GJA9: variants seen among roughly 807,000 people sequenced by gnomAD.
GJA9 encodes gap junction protein alpha 9.
A neutral mutation model predicts 0.4 loss-of-function variants in GJA9; 1 was observed. The observed-to-expected ratio is 2.50, with a 90% CI of 0.89 to 11.88. GJA9 has a LOEUF of 11.88. Among genes scored for constraint, GJA9 ranks in the 30% most tolerant of loss-of-function variants. GJA9 has a pLI of 0.12. For missense variants in GJA9, 550 were observed against 602.8 expected, an observed-to-expected ratio of 0.91 and a Z score of 0.92; for synonymous variants, 190 against 219.1, an observed-to-expected ratio of 0.87 and a Z score of 1.17.
Position 38,875,460 on chromosome 1 carries a change from T to C in GJA9, c.639A>G (p.Leu213=). 1.9e-6 allele frequency: 3 copies of C among 1,614,150 alleles called. No homozygotes were observed. Among genetic ancestry groups the C allele is most frequent in the Non-Finnish European group, 1.7e-6 (2 of 1,179,966 alleles). The change falls in exon 2 of 2, where the codon TTA becomes TTG. Residue 213 remains leucine, a synonymous_variant. Transcript: ENST00000357771. ...SRPTEKTIFL[L]FMQSIATISL... ...AAATAGTGGCTATAGATTGCATAAA[T>C]AATAGGAATATTGTCTTTTCTGTTG...
rs541886462 is a variant in GJA9, at chr1:38,874,640, A to G, written c.1459T>C (p.Cys487Arg). Residue 487 changes from cysteine (C) to arginine (R), a missense_variant, in exon 2 of 2, where the codon TGT becomes CGT. Transcript: ENST00000357771. Reference protein sequence around the residue: ...LSFEPGLVRTCNNPVCPPNHV... With the variant: ...LSFEPGLVRTRNNPVCPPNHV... ...TTTGGAGGACAAACAGGATTATTACAGGTTCTGACCAACCCTGGCTCAAAG... is the reference window on the plus strand; with the variant it reads ...TTTGGAGGACAAACAGGATTATTACGGGTTCTGACCAACCCTGGCTCAAAG... The G allele has an allele frequency of 6.2e-7, 1 of 1,614,238 alleles. No homozygotes were observed. The highest frequency in any genetic ancestry group is 1.7e-5 in the Admixed American group (1 of 60,024).
rs375468847 is a variant in GJA9 at position 38,875,652 on chromosome 1, G to A, written c.447C>T (p.Leu149=). 3.7e-6 allele frequency: 6 copies of A among 1,614,094 alleles called. No homozygotes were observed. In the African/African-American group the frequency reaches 4.0e-5, roughly 11 times the overall value. ...LEKRKLNKAP[L]RGTLLCTYVI... The stretch of plus-strand genomic sequence containing the variant: ...CATAAGTGCAAAGCAAGGTTCCTCT[G>A]AGTGGAGCTTTATTTAGTTTCCTTT... Residue 149 remains leucine (L), a synonymous_variant, in exon 2 of 2, where the codon CTC becomes CTT. Coordinates refer to ENST00000357771, the MANE Select transcript of GJA9 (RefSeq NM_030772.5).
Position 38,875,137 on chromosome 1 carries a change from A to G in GJA9, c.962T>C (p.Ile321Thr), listed in dbSNP as rs373832508. 1.2e-6 allele frequency: 2 copies of G among 1,614,164 alleles called. No homozygotes were observed. Among genetic ancestry groups the G allele is most frequent in the Non-Finnish European group, 1.7e-6 (2 of 1,180,008 alleles). Residue 321 changes from isoleucine (I) to threonine (T), a missense_variant, in exon 2 of 2, where the codon ATT becomes ACT. Transcript: ENST00000357771. ...DNHSVNDEKC[I>T]LDEQETVLSN... ...AAGTACAGTTTCCTGTTCATCCAAA[A>G]TGCATTTCTCATCATTTACACTATG...
intron 1 of GJA9, among the ~76,000 whole-genome samples, chr1:38,877,718 C>G (rs1480162387): frequency 6.6e-6 from 1 of 151,752 alleles, no homozygotes; most frequent in Non-Finnish European, 1.5e-5. Context: ...AGGATGATCT[C>G]GATCTCCTGA....
chr1:38,874,857 G>T lies in GJA9; in HGVS notation c.1242C>A (p.Asn414Lys). Residue 414 changes from asparagine to lysine, a missense_variant, in exon 2 of 2, where the codon AAC becomes AAA. Asn to Lys is a moderately conservative substitution (Grantham distance 94). Coordinates refer to ENST00000357771, the MANE Select transcript of GJA9 (RefSeq NM_030772.5). ...TAAGCCACCGCGGTTTCCAATCGCA[G>T]TTAGCTGGCAAGGAGAAAACTGTTT... ...SPQTVFSLPA[N>K]CDWKPRWLRA... The T allele has an allele frequency of 1.9e-6, 3 of 1,614,218 alleles. No homozygotes were observed. The highest frequency in any genetic ancestry group is 2.5e-6 in the Non-Finnish European group (3 of 1,180,048).
chr1:38,881,560 A>G lies in GJA9; in HGVS notation c.-224T>C. On this transcript the variant is annotated 5_prime_UTR_variant, in exon 1 of 2. Coordinates refer to ENST00000357771, the MANE Select transcript of GJA9 (RefSeq NM_030772.5). ...AGATTCAGTTCAGTTGAATGTAGTGAGTGAGTCATCCATCAACTAAAATCC... is the reference window on the plus strand; with the variant it reads ...AGATTCAGTTCAGTTGAATGTAGTGGGTGAGTCATCCATCAACTAAAATCC... 1 of 683,244 alleles carries G rather than the reference A, an allele frequency of 1.5e-6. No individual in the cohort carries two copies. The highest frequency in any genetic ancestry group is 2.1e-5 in the Admixed American group (1 of 46,992). The allele number at this position is 683,244 out of a possible 1,614,324, so 42.3% of individuals were successfully genotyped here.
chr1:38,879,813 G>A (rs1407498038), intron 1 of GJA9, among the ~76,000 whole-genome samples: 1 of 151,900 alleles, frequency 6.6e-6, no homozygotes, highest in Admixed American at 6.6e-5. Context: ...TGCAAGCTCC[G>A]CCTCCCGGGT....
chr1:38,875,822 T>C lies in GJA9; in HGVS notation c.277A>G (p.Met93Val), dbSNP rs1557600033. 3 of 1,614,220 alleles carry C rather than the reference T, an allele frequency of 1.9e-6. No homozygotes were observed. The highest frequency in any genetic ancestry group is 1.1e-5 in the South Asian group (1 of 91,086). ...IFVSSPSLVY[M>V]GHALYRLRVL... The stretch of plus-strand genomic sequence containing the variant: ...CTCAGTCGGTACAATGCATGGCCCA[T>C]GTAGACCAGGGATGGTGAAGACACA... Residue 93 changes from methionine (M) to valine (V), a missense_variant, in exon 2 of 2, where the codon ATG becomes GTG. Coordinates refer to ENST00000357771, the MANE Select transcript of GJA9 (RefSeq NM_030772.5).
intron 1 of GJA9, among the ~76,000 whole-genome samples, chr1:38,879,580 T>A (rs961450219): frequency 2.0e-5 from 3 of 152,228 alleles, no homozygotes; most frequent in Non-Finnish European, 4.4e-5. Context: ...AACTTCAAAT[T>A]TGCCGGAAAG....
intron 1 of GJA9, 68 bp downstream of exon 1, chr1:38,881,364 A>G: frequency 1.4e-6 from 1 of 694,642 alleles, no homozygotes; most frequent in Non-Finnish European, 2.6e-6. Context: ...TAGAATTCAA[A>G]AGAAAAAGAT....
Position 38,875,418 on chromosome 1 carries a change from A to C in GJA9, c.681T>G (p.Ile227Met). 6.2e-7 allele frequency: 1 copy of C among 1,613,682 alleles called. No individual in the cohort carries two copies. The highest frequency in any genetic ancestry group is 8.5e-7 in the Non-Finnish European group (1 of 1,179,894). The part of the protein sequence containing the change: ...SIATISLFLN[I>M]LEIFHLGFKK... ...TAAAACCTAGGTGGAAAATTTCAAGAATGTTTAAGAAAAGTGAAATAGTGG... is the reference window on the plus strand; with the variant it reads ...TAAAACCTAGGTGGAAAATTTCAAGCATGTTTAAGAAAAGTGAAATAGTGG... Residue 227 changes from isoleucine to methionine, a missense_variant, in exon 2 of 2, where the codon ATT becomes ATG. Physicochemically the swap from Ile to Met is conservative, Grantham distance 10. Transcript: ENST00000357771.
At chr1:38,878,633 C>T (rs967301386) in intron 1 of GJA9, among the ~76,000 whole-genome samples, 10 of 148,808 alleles carry the variant, frequency 6.7e-5, no homozygotes, top group East Asian at 2.1e-4. Context: ...GCCAAGATCG[C>T]GCCATTGCAC....
rs757359707 is a variant in GJA9, at chr1:38,874,757, T to G, written c.1342A>C (p.Arg448=). ...PPKGNLKGQF[R]KGTVRTLPPS... ...GGAAGGGTTCTGACTGTGCCCTTTC[T>G]GAACTGGCCCTTGAGGTTACCTTTA... The change falls in exon 2 of 2, where the codon AGA becomes CGA. Residue 448 remains arginine (R), a synonymous_variant. Coordinates refer to ENST00000357771, the MANE Select transcript of GJA9 (RefSeq NM_030772.5). 17 of 1,614,118 alleles carry G rather than the reference T, an allele frequency of 1.1e-5. No homozygotes were observed. The highest frequency in any genetic ancestry group is 1.1e-5 in the Non-Finnish European group (13 of 1,180,054).
rs759216370 is a variant in GJA9 at position 38,876,034 on chromosome 1, C to T, written c.65G>A (p.Gly22Glu). Residue 22 changes from glycine to glutamate, a missense_variant, in exon 2 of 2, where the codon GGA (glycine) becomes GAA (glutamate). By Grantham distance (98) the Gly-to-Glu change is moderately conservative. Transcript: ENST00000357771. ...EEVHIHSTMIGKIWLTILFIF... is the reference protein window; with the variant it reads ...EEVHIHSTMIEKIWLTILFIF... ...GAACAGGATGGTGAGCCAGATCTTT[C>T]CAATCATGGTGGAGTGGATGTGAAC... 6.2e-7 allele frequency: 1 copy of T among 1,614,198 alleles called. No homozygotes were observed. Among genetic ancestry groups the T allele is most frequent in the Non-Finnish European group, 8.5e-7 (1 of 1,180,042 alleles).
In GJA9 at chr1:38,875,687, G is replaced by T; in HGVS notation, c.412C>A (p.Gln138Lys). The change falls in exon 2 of 2, where the codon CAG (glutamine) becomes AAG (lysine). Residue 138 changes from glutamine (Q) to lysine (K), a missense_variant. Coordinates refer to ENST00000357771, the MANE Select transcript of GJA9 (RefSeq NM_030772.5). ...TTATTTAGTTTCCTTTTCTCCAGCT[G>T]ACAAAGCTCTTGCTCCAATCTCCTC... ...DRRRLEQELC[Q>K]LEKRKLNKAP... The T allele has an allele frequency of 6.2e-7, 1 of 1,614,168 alleles. No homozygotes were observed. The highest frequency in any genetic ancestry group is 1.1e-5 in the South Asian group (1 of 91,080).
rs1486018746 is a variant in GJA9, at chr1:38,874,826, T to C, written c.1273A>G (p.Thr425Ala). Residue 425 changes from threonine to alanine, a missense_variant, in exon 2 of 2, where the codon ACA (threonine) becomes GCA (alanine). By Grantham distance (58) the Thr-to-Ala change is moderately conservative (BLOSUM62 0). Coordinates refer to ENST00000357771, the MANE Select transcript of GJA9 (RefSeq NM_030772.5). ...TCATGTTCTGTAGAGGAACCCCATGTAGCTCTAAGCCACCGCGGTTTCCAA... is the reference window on the plus strand; with the variant it reads ...TCATGTTCTGTAGAGGAACCCCATGCAGCTCTAAGCCACCGCGGTTTCCAA... The part of the protein sequence containing the change: ...CDWKPRWLRA[T>A]WGSSTEHENR... 1.2e-6 allele frequency: 2 copies of C among 1,614,110 alleles called. No homozygotes were observed. Among genetic ancestry groups the C allele is most frequent in the African/African-American group, 2.7e-5 (2 of 74,932 alleles).
intron 1 of GJA9, among the ~76,000 whole-genome samples, chr1:38,880,352 G>C (rs567097151): frequency 7.1e-6 from 1 of 141,796 alleles, no homozygotes; most frequent in Non-Finnish European, 1.5e-5. Flanking sequence ...GCAGTGAGCC[G>C]AGATCACACC....
chr1:38,875,287 G>A lies in GJA9; in HGVS notation c.812C>T (p.Ser271Phe). Residue 271 changes from serine (S) to phenylalanine (F), a missense_variant, in exon 2 of 2, where the codon TCT becomes TTT. By Grantham distance (155) the Ser-to-Phe change is radical. Coordinates refer to ENST00000357771, the MANE Select transcript of GJA9 (RefSeq NM_030772.5). Reference sequence around the variant, plus strand: ...AGGGAGTCGCTTCAGTGAATTTGCAGATGTGCTCTGGTATTTGGCTACATT... The same window carrying A: ...AGGGAGTCGCTTCAGTGAATTTGCAAATGTGCTCTGGTATTTGGCTACATT... ...KQNVAKYQST[S>F]ANSLKRLPSA... 6.2e-7 allele frequency: 1 copy of A among 1,614,144 alleles called. No individual in the cohort carries two copies. Among genetic ancestry groups the A allele is most frequent in the African/African-American group, 1.3e-5 (1 of 75,062 alleles).
At chr1:38,879,828 G>A (rs1232449617) in intron 1 of GJA9, among the ~76,000 whole-genome samples, 1 of 152,016 alleles carries the variant, frequency 6.6e-6, no homozygotes, top group African/African-American at 2.4e-5. Flanking sequence ...CCGGGTTCAC[G>A]CCATTCTCCT....
Sources: allele counts gnomAD v4.1 joint callset (sites outside exome capture counted in the v4.1 genomes callset), GRCh38; gene constraint gnomAD v4.1.1; transcripts MANE v1.5; gene names NCBI Gene and HGNC (gene_info 2026-07-23, HGNC 2026-07-21).